The following RELN variants were observed in gnomAD, a reference collection of about 807,000 sequenced individuals.
RELN encodes reelin.
A neutral mutation model predicts 427.6 loss-of-function variants in RELN; 108 were observed. The ratio of observed to expected loss-of-function variants is 0.25; its 90% CI spans 0.22 to 0.30. The LOEUF (loss-of-function observed/expected upper bound fraction) is 0.30. Ranked by LOEUF, RELN falls within the 10% of genes least tolerant of loss-of-function variation. The pLI, the probability that RELN is intolerant of heterozygous loss-of-function variation, is 1.00. For missense variants in RELN, 3,715 were observed against 4,302.8 expected (o/e 0.86, Z 3.82); for synonymous variants, 1,524 against 1,513.4 (o/e 1.01, Z -0.16).
chr7:103,863,235 A>G (rs1348743306), intron 2 of RELN, among the ~76,000 whole-genome samples: 1 of 152,180 alleles, frequency 6.6e-6, no homozygotes, highest in Non-Finnish European at 1.5e-5. Flanking sequence ...GACGCATAAA[A>G]GCAAGAGGAA....
chr7:103,551,944 T>TGTGC (rs1554376302), intron 40 of RELN, among the ~76,000 whole-genome samples: 8,222 of 147,750 alleles, frequency 0.056, 293 homozygotes, highest in East Asian at 0.15. Context: ...TGTGGGTGTG[T>TGTGC]GTGTGTGTGT....
chr7:103,623,523 T>G, intron 20 of RELN, among the ~76,000 whole-genome samples: 1 of 152,208 alleles, frequency 6.6e-6, no homozygotes, highest in Admixed American at 6.5e-5. Context: ...TATCTAATAT[T>G]GCATTTAGGC....
intron 2 of RELN, among the ~76,000 whole-genome samples, chr7:103,846,785 C>T (rs543064629): frequency 6.6e-6 from 1 of 152,260 alleles, no homozygotes; most frequent in East Asian, 1.9e-4. Context: ...ACAGACACTT[C>T]TCAAAATTCA....
intron 27 of RELN, among the ~76,000 whole-genome samples, chr7:103,590,833 T>C (rs905257947): frequency 1.3e-5 from 2 of 152,212 alleles, no homozygotes; most frequent in Non-Finnish European, 2.9e-5. Context: ...AGGGAAGCTA[T>C]ATTTTGGTCC....
chr7:103,495,038 G>A (rs1322230834), intron 57 of RELN, among the ~76,000 whole-genome samples: 2 of 152,102 alleles, frequency 1.3e-5, no homozygotes, highest in Non-Finnish European at 2.9e-5. Context: ...AGTAGGCAGA[G>A]TGCCCTATTT....
At chr7:103,721,831 T>A (rs1444247624) in intron 8 of RELN, among the ~76,000 whole-genome samples, 1 of 152,178 alleles carries the variant, frequency 6.6e-6, no homozygotes, top group Non-Finnish European at 1.5e-5. Flanking sequence ...ATTAATAGCA[T>A]AATTAAACAC....
chr7:103,808,944 C>T (rs190223129), intron 3 of RELN, among the ~76,000 whole-genome samples: 3 of 152,088 alleles, frequency 2.0e-5, no homozygotes, highest in African/African-American at 7.2e-5. Context: ...GATGGAAAGG[C>T]CCACTGAGTT....
intron 4 of RELN, among the ~76,000 whole-genome samples, chr7:103,773,358 T>C (rs1321632544): frequency 6.3e-5 from 2 of 31,956 alleles, no homozygotes; most frequent in African/African-American, 7.9e-4. Context: ...TCTCTCTCCC[T>C]CTCTCTCTCT....
At chr7:103,881,768 A>G (rs1462483829) in intron 2 of RELN, among the ~76,000 whole-genome samples, 1 of 152,178 alleles carries the variant, frequency 6.6e-6, no homozygotes, top group Non-Finnish European at 1.5e-5. Context: ...CAGACAAGCT[A>G]ACTCAAGAAG....
At chr7:103,880,053 G>T (rs986908952) in intron 2 of RELN, among the ~76,000 whole-genome samples, 1 of 151,772 alleles carries the variant, frequency 6.6e-6, no homozygotes, top group Non-Finnish European at 1.5e-5. Flanking sequence ...CCCCTTTTCT[G>T]AAATGAAAAA....
chr7:103,565,171 T>C (rs904142358), intron 34 of RELN, 107 bp downstream of exon 34: 1 of 1,419,406 alleles, frequency 7.0e-7, no homozygotes, highest in South Asian at 1.2e-5. Flanking sequence ...CTTCCATGCA[T>C]AATTATCATG....
chr7:103,971,476 A>T (rs921021830), intron 1 of RELN, among the ~76,000 whole-genome samples: 2 of 152,230 alleles, frequency 1.3e-5, no homozygotes, highest in Non-Finnish European at 2.9e-5. Context: ...GTAATGAGAC[A>T]GAAAATTATT....
rs1464099034 is a variant in RELN, at chr7:103,610,709, A to G, written c.2994T>C (p.Leu998=). The G allele has an allele frequency of 6.4e-7, 1 of 1,572,780 alleles. No individual in the cohort carries two copies. Among genetic ancestry groups the G allele is most frequent in the Non-Finnish European group, 8.8e-7 (1 of 1,142,706 alleles). ...FTQWRRVIVL[L]PQKTWSSATR... ...TGTCATCTCACCAAGTTTTCTGGGG[A>G]AGAAGCACTATGACTCTCCTCCACT... Residue 998 remains leucine, a synonymous_variant, in exon 22 of 65, where the codon CTT becomes CTC. Transcript: ENST00000428762.
At chr7:103,773,764 G>A (rs1040284387) in intron 4 of RELN, among the ~76,000 whole-genome samples, 4 of 151,816 alleles carry the variant, frequency 2.6e-5, no homozygotes, top group East Asian at 2.0e-4. Flanking sequence ...CCCACTGCGC[G>A]CGGCCTCCTC....
intron 28 of RELN, among the ~76,000 whole-genome samples, chr7:103,586,874 GA>G (rs34795722): frequency 0.2 from 30,964 of 152,046 alleles, 3,318 homozygotes; most frequent in Middle Eastern, 0.3. Context: ...GTAGATGGAA[GA>G]AACTGTAGAT....
Position 103,486,390 on chromosome 7 carries a change from C to A in RELN, c.9790G>T (p.Asp3264Tyr). ...QGDDCSVFSH[D>Y]LPSYIKDNFE... ...TTATCTTTAATATAACTGGGAAGGTCGTGACTGAAAACAGAGCAGTCATCA... is the reference window on the plus strand; with the variant it reads ...TTATCTTTAATATAACTGGGAAGGTAGTGACTGAAAACAGAGCAGTCATCA... Residue 3264 changes from aspartate to tyrosine, a missense_variant, in exon 61 of 65, where the codon GAC becomes TAC. This residue lies in a region of RELN where 195 missense variants were observed against 281.3 expected (regional missense o/e 0.69). Transcript: ENST00000428762. 6 of 1,613,944 alleles carry A rather than the reference C, an allele frequency of 3.7e-6. No homozygotes were observed. Among genetic ancestry groups the A allele is most frequent in the South Asian group, 1.1e-5 (1 of 91,044 alleles).
intron 4 of RELN, among the ~76,000 whole-genome samples, chr7:103,772,255 A>G (rs1479178093): frequency 6.6e-6 from 1 of 152,192 alleles, no homozygotes; most frequent in African/African-American, 2.4e-5. Context: ...CATATATCTC[A>G]TGGCAGACAA....
intron 51 of RELN, among the ~76,000 whole-genome samples, chr7:103,508,058 A>T (rs1413499116): frequency 6.6e-6 from 1 of 152,194 alleles, no homozygotes; most frequent in East Asian, 1.9e-4. Context: ...TACTAAACAA[A>T]AAAAGCCCAG....
intron 10 of RELN, among the ~76,000 whole-genome samples, chr7:103,694,515 T>C (rs13241080): frequency 1.4e-5 from 2 of 148,114 alleles, no homozygotes; most frequent in African/African-American, 5.1e-5. Context: ...GCGACGACGA[T>C]GATGATGTGT....
Sources: allele counts gnomAD v4.1 joint callset (sites outside exome capture counted in the v4.1 genomes callset), GRCh38; gene constraint gnomAD v4.1.1; regional missense constraint gnomAD v4.1.1; transcripts MANE v1.5; gene names NCBI Gene and HGNC (gene_info 2026-07-23, HGNC 2026-07-21).